Variants in PDGFRL observed in about 807,000 individuals in gnomAD.
PDGFRL encodes the protein platelet derived growth factor receptor like, also known as platelet-derived growth factor receptor-like protein.
In PDGFRL, 46 loss-of-function variants were observed where a neutral mutation model predicts 37.2. That is an observed-to-expected ratio of 1.24 (90% CI 0.98 to 1.58). The LOEUF is 1.58. Ranked by LOEUF, PDGFRL falls within the 40% of genes most tolerant of loss-of-function variation. The pLI, the probability that PDGFRL is intolerant of heterozygous loss-of-function variation, is 0.00. For synonymous variants in PDGFRL, 251 were observed against 184.3 expected, an observed-to-expected ratio of 1.36 and a Z score of -2.93; for missense variants, 692 against 467.6, an observed-to-expected ratio of 1.48 and a Z score of -4.43.
At chr8:17,630,884 G>A (rs1200376438) in intron 4 of PDGFRL, among the ~76,000 whole-genome samples, 1 of 152,062 alleles carries the variant, frequency 6.6e-6, no homozygotes, top group African/African-American at 2.4e-5. Context: ...ACCCTCAGCT[G>A]GAGGCTGCCT....
intron 2 of PDGFRL, among the ~76,000 whole-genome samples, chr8:17,611,029 G>C (rs1467629493): frequency 6.6e-6 from 1 of 152,212 alleles, no homozygotes; most frequent in African/African-American, 2.4e-5. Context: ...ATTTGGTTAG[G>C]ACTTACTTAC....
chr8:17,633,351 G>A (rs2129824159), intron 4 of PDGFRL, among the ~76,000 whole-genome samples: 1 of 152,296 alleles, frequency 6.6e-6, no homozygotes, highest in East Asian at 1.9e-4. Flanking sequence ...CCTCCAGGAT[G>A]CAGGAGTTTG....
chr8:17,623,902 G>A (rs1804683768), intron 3 of PDGFRL, among the ~76,000 whole-genome samples: 1 of 149,620 alleles, frequency 6.7e-6, no homozygotes, highest in Admixed American at 6.7e-5. Context: ...CTCTCTTTGA[G>A]TTTTGGAGGC....
intron 2 of PDGFRL, among the ~76,000 whole-genome samples, chr8:17,607,968 C>T (rs936055542): frequency 6.6e-6 from 1 of 152,212 alleles, no homozygotes; most frequent in Non-Finnish European, 1.5e-5. Flanking sequence ...TTGGCGGCTC[C>T]GTCCCACCCA....
At position 17,597,760 on chromosome 8, in the gene PDGFRL, G is replaced by C. The variant is rs1471784591; in HGVS notation, c.353+7995G>C. Among the ~76,000 whole-genome samples the C allele has an allele frequency of 1.3e-5, 2 of 152,108 alleles. 1 individual carries two copies. Among genetic ancestry groups the C allele is most frequent in the African/African-American group, 4.8e-5 (2 of 41,434 alleles). The stretch of plus-strand genomic sequence containing the variant: ...CTTCTTACGGATTTTTCACAGTGGT[G>C]TTTTAGCAAGGATGCTGCCTCAGTT... On this transcript the variant is annotated intron_variant, in intron 2 of 5. Coordinates refer to ENST00000251630, the MANE Select transcript of PDGFRL (RefSeq NM_001372073.1).
intron 2 of PDGFRL, among the ~76,000 whole-genome samples, chr8:17,605,405 C>T (rs1804252952): frequency 6.6e-6 from 1 of 152,052 alleles, no homozygotes; most frequent in South Asian, 2.1e-4. Flanking sequence ...ATATTAAAAA[C>T]TTTGTGTAAG....
At chr8:17,612,718 G>C (rs1050321617) in intron 2 of PDGFRL, among the ~76,000 whole-genome samples, 1 of 151,976 alleles carries the variant, frequency 6.6e-6, no homozygotes, top group African/African-American at 2.4e-5. Flanking sequence ...ATTTGATCTA[G>C]AAACTTAAAA....
intron 1 of PDGFRL, among the ~76,000 whole-genome samples, chr8:17,588,482 G>T (rs1333769231): frequency 1.3e-5 from 2 of 148,940 alleles, no homozygotes; most frequent in African/African-American, 4.9e-5. Context: ...TTTGAGACCA[G>T]CTTGGGCAAC....
At chr8:17,605,528 A>G (rs1280340062) in intron 2 of PDGFRL, among the ~76,000 whole-genome samples, 4 of 152,218 alleles carry the variant, frequency 2.6e-5, no homozygotes, top group African/African-American at 4.8e-5. Flanking sequence ...TCCAGGGTGT[A>G]AAGCCAGAGA....
At chr8:17,637,974 C>G (rs1316486370) in intron 5 of PDGFRL, among the ~76,000 whole-genome samples, 2 of 151,942 alleles carry the variant, frequency 1.3e-5, no homozygotes, top group Non-Finnish European at 2.9e-5. Context: ...TGTTAATAGT[C>G]TATCAGTTTT....
chr8:17,606,489 G>T (rs1804279925), intron 2 of PDGFRL, among the ~76,000 whole-genome samples: 1 of 152,248 alleles, frequency 6.6e-6, no homozygotes, highest in East Asian at 1.9e-4. Context: ...GCCTTCAAAT[G>T]GTCTTCCACC....
intron 2 of PDGFRL, among the ~76,000 whole-genome samples, chr8:17,595,118 T>C (rs560057626): frequency 1.1e-3 from 161 of 152,280 alleles, no homozygotes; most frequent in African/African-American, 3.4e-3. Flanking sequence ...CCTATGGGTC[T>C]TGGGCCAGCT....
chr8:17,628,612 TTCCCAGCCAAGGAGA>T lies in PDGFRL; in HGVS notation c.642_656del (p.Lys214_Ala218del), dbSNP rs1396499652. On this transcript the variant is annotated inframe_deletion, in exon 4 of 6. Coordinates refer to ENST00000251630, the MANE Select transcript of PDGFRL (RefSeq NM_001372073.1). Reference sequence around the variant, plus strand: ...GGCCAAAGTCACGCTCCACAGGGAATTCCCAGCCAAGGAGATCCCAGCCAATGGAACGGACATTGT... The same window carrying T: ...GGCCAAAGTCACGCTCCACAGGGAATTCCCAGCCAATGGAACGGACATTGT... 3 of 1,614,062 alleles carry T rather than the reference TTCCCAGCCAAGGAGA, an allele frequency of 1.9e-6. No homozygotes were observed. Among genetic ancestry groups the T allele is most frequent in the Middle Eastern group, 1.6e-4 (1 of 6,084 alleles).
In PDGFRL at chr8:17,628,782, T is replaced by A; in HGVS notation, c.799+2T>A. 1.9e-6 allele frequency: 3 copies of A among 1,610,360 alleles called. No individual in the cohort carries two copies. Among genetic ancestry groups the A allele is most frequent in the Non-Finnish European group, 2.5e-6 (3 of 1,176,796 alleles). Reference sequence around the variant, plus strand: ...AGTACCAGCTGCTCTATGTGGCGGGTAAGCCTGGCCACCCCTGCCTAGATT... The same window carrying A: ...AGTACCAGCTGCTCTATGTGGCGGGAAAGCCTGGCCACCCCTGCCTAGATT... On this transcript the variant is annotated splice_donor_variant, in intron 4 of 5. Coordinates refer to ENST00000251630, the MANE Select transcript of PDGFRL (RefSeq NM_001372073.1). LOFTEE classifies it high-confidence loss of function.
chr8:17,612,508 T>C (rs1804440830), intron 2 of PDGFRL, among the ~76,000 whole-genome samples: 1 of 152,052 alleles, frequency 6.6e-6, no homozygotes, highest in Admixed American at 6.6e-5. Context: ...GTAGCTGAGA[T>C]TACAAGCACC....
At chr8:17,612,684 C>T (rs1229976656) in intron 2 of PDGFRL, among the ~76,000 whole-genome samples, 1 of 152,052 alleles carries the variant, frequency 6.6e-6, no homozygotes, top group Non-Finnish European at 1.5e-5. Context: ...TTTTTCTTTT[C>T]TTATTATAAA....
rs1186617469 is a variant in PDGFRL, at chr8:17,628,516, AGCT to A, written c.536_538del (p.Ser179_Tyr180delinsAsn). 2 of 1,614,040 alleles carry A rather than the reference AGCT, an allele frequency of 1.2e-6. No individual in the cohort carries two copies. Among genetic ancestry groups the A allele is most frequent in the Non-Finnish European group, 1.7e-6 (2 of 1,179,886 alleles). ...AGGAGAACTCTTTGTACCTTCTCCC[AGCT>A]ACTTCGATGTTGTCTACTTGAACCC... On this transcript the variant is annotated inframe_deletion, in exon 4 of 6. Coordinates refer to ENST00000251630, the MANE Select transcript of PDGFRL (RefSeq NM_001372073.1).
chr8:17,598,111 C>T (rs1023587359), intron 2 of PDGFRL, among the ~76,000 whole-genome samples: 23 of 152,068 alleles, frequency 1.5e-4, no homozygotes, highest in Non-Finnish European at 2.8e-4. Context: ...TCAATTTACT[C>T]AATAAGGATA....
upstream of PDGFRL, chr8:17,576,994 C>T (rs1296257937): frequency 9.0e-6 from 5 of 557,544 alleles, no homozygotes; most frequent in Admixed American, 6.7e-5. Context: ...GTACATTTCA[C>T]GCTTAGCCTT....
Sources: gnomAD v4.1 joint callset for allele counts (sites outside exome capture counted in the v4.1 genomes callset) on GRCh38, gnomAD v4.1.1 for gene constraint, MANE v1.5 for transcripts, NCBI Gene and HGNC (gene_info 2026-07-23, HGNC 2026-07-21) for gene names.